Variants in PLEC observed in about 807,000 individuals in gnomAD.
PLEC encodes plectin.
In PLEC, 216 loss-of-function variants were observed where a neutral mutation model predicts 392.8. That is an observed-to-expected ratio of 0.55 (90% confidence interval 0.49 to 0.62). The LOEUF (loss-of-function observed/expected upper bound fraction) is 0.62. Ranked by LOEUF, PLEC falls within the 20% of genes least tolerant of loss-of-function variation. The probability of loss-of-function intolerance (pLI) is 0.00; values close to 1 mark genes in which losing one functional copy is unlikely to be tolerated. For missense variants in PLEC, 6,863 were observed against 6,563.4 expected (o/e 1.05, Z -1.58); for synonymous variants, 3,621 against 2,980.6 (o/e 1.21, Z -7.00).
At position 143,949,380 on chromosome 8, in the gene PLEC, C is replaced by T. The variant is rs542178804; in HGVS notation, c.523+804G>A. ...TGCTCCACAGTGTGTGTGTGAGCCT[C>T]GGGCTGCAGGGGACACATCTGCCCA... On this transcript the variant is annotated intron_variant, in intron 1 of 31. Coordinates refer to the PLEC transcript ENST00000322810. Among the ~76,000 whole-genome samples the T allele has an allele frequency of 2.0e-5, 3 of 152,320 alleles. No homozygotes were observed. The South Asian group carries it at 6.2e-4, about 32-fold the overall frequency.
rs199796047 is a variant in PLEC at position 143,927,002 on chromosome 8, G to C, written c.3920C>G (p.Ser1307Trp). The change falls in exon 29 of 32, where the codon TCG becomes TGG. Residue 1307 changes from serine to tryptophan, a missense_variant. Physicochemically the swap from Ser to Trp is radical, Grantham distance 177 (BLOSUM62 -3). Coordinates refer to ENST00000345136, the MANE Select transcript of PLEC (RefSeq NM_201384.3). ...CTCCTGGATGACACTCTCTGATCCC[G>C]ACTGGACCTTGGGCTTCTTGGCCGG... ...ASPAKKPKVQ[S>W]GSESVIQEYV... 2.5e-6 allele frequency: 4 copies of C among 1,612,946 alleles called. No individual in the cohort carries two copies. The highest frequency in any genetic ancestry group is 3.4e-6 in the Non-Finnish European group (4 of 1,179,932).
At chr8:143,965,461 C>G (rs1554741978) in intron 1 of PLEC, among the ~76,000 whole-genome samples, 1 of 152,232 alleles carries the variant, frequency 6.6e-6, no homozygotes, top group African/African-American at 2.4e-5. Context: ...GCCCATGCCC[C>G]ATTTTGGGTC....
rs1282537728 is a variant in PLEC, at chr8:143,969,125, A to C, written c.70+4278T>G. On this transcript the variant is annotated intron_variant, in intron 1 of 31. Coordinates refer to the PLEC transcript ENST00000356346. This position sits in a 1 kb window ranked among gnomAD's most constrained non-coding sequence, Gnocchi z 5.1. The stretch of plus-strand genomic sequence containing the variant: ...AACAACCCACTATCCGTCAACTGAT[A>C]AACGCATAAGCAAAAGTGGGCACTT... Among the ~76,000 whole-genome samples the C allele has an allele frequency of 2.0e-5, 3 of 152,208 alleles. No individual in the cohort carries two copies.
At position 143,922,050 on chromosome 8, in the gene PLEC, TCTC is replaced by T. The variant is rs782142905; in HGVS notation, c.7768_7770del (p.Glu2590del). ...TGCAGCTGCTCACGCAGCCTCTGGTTCTCCTCAGCCAGCAGCTCCTCCTGCTGC... is the reference window on the plus strand; with the variant it reads ...TGCAGCTGCTCACGCAGCCTCTGGTTCTCAGCCAGCAGCTCCTCCTGCTGC... On this transcript the variant is annotated inframe_deletion, in exon 32 of 32. Transcript: ENST00000345136. The T allele has an allele frequency of 5.6e-6, 9 of 1,593,852 alleles. No individual in the cohort carries two copies. In the East Asian group the frequency reaches 2.0e-4, roughly 36 times the overall value.
Position 143,933,131 on chromosome 8 carries a change from A to G in PLEC, c.1419-20T>C, listed in dbSNP as rs200347726. 2.8e-6 allele frequency: 4 copies of G among 1,429,086 alleles called. No homozygotes were observed. In the East Asian group the frequency reaches 1.0e-4, roughly 36 times the overall value. The allele number at this position is 1,429,086 out of a possible 1,614,324, so 88.5% of individuals were successfully genotyped here. On this transcript the variant is annotated intron_variant, in intron 13 of 31. Coordinates refer to ENST00000345136, the MANE Select transcript of PLEC (RefSeq NM_201384.3). ...TACACCCTGGGGCAGCAGAGGACTC[A>G]GGTAGGTGTTGGCGGGCCTGGGGCC...
intron 1 of PLEC, among the ~76,000 whole-genome samples, chr8:143,965,396 C>T (rs1185685367): frequency 1.0e-5 from 1 of 97,314 alleles, no homozygotes; most frequent in Admixed American, 9.5e-5. Context: ...ACCCTCCTTC[C>T]ACCGTCTGAA....
chr8:143,934,401 G>C lies in PLEC; in HGVS notation c.1086C>G (p.His362Gln), dbSNP rs1221901115. 2.5e-5 allele frequency: 41 copies of C among 1,612,240 alleles called. No homozygotes were observed. Among genetic ancestry groups the C allele is most frequent in the Non-Finnish European group, 3.1e-5 (36 of 1,179,922 alleles). The change falls in exon 11 of 32, where the codon CAC becomes CAG. Residue 362 changes from histidine to glutamine, a missense_variant. His to Gln is a conservative substitution (Grantham distance 24). Coordinates refer to ENST00000345136, the MANE Select transcript of PLEC (RefSeq NM_201384.3). ...CCCACTCCTTCTCCACATCCAGCGG[G>C]TGGTAGCCAGGGGGCACCTTGAGCT... ...AGQLKVPPGY[H>Q]PLDVEKEWGK...
rs1554687398 is a variant in PLEC, at chr8:143,921,858, C to T, written c.7963G>A (p.Ala2655Thr). The T allele has an allele frequency of 6.2e-7, 1 of 1,604,254 alleles. No homozygotes were observed. The highest frequency in any genetic ancestry group is 8.5e-7 in the Non-Finnish European group (1 of 1,179,756). Residue 2655 changes from alanine to threonine, a missense_variant, in exon 32 of 32, where the codon GCT becomes ACT. Transcript: ENST00000345136. Reference sequence around the variant, plus strand: ...ATGCCGGCCTCCTGCAGCCTCTGAGCTGACACCTTCCGCCGCAGGCCATCG... The same window carrying T: ...ATGCCGGCCTCCTGCAGCCTCTGAGTTGACACCTTCCGCCGCAGGCCATCG... ...SFDGLRRKVS[A>T]QRLQEAGILS... is the part of the protein sequence containing the mutation.
rs371257873 is a variant in PLEC, at chr8:143,939,338, G to C, written c.112+12C>G. 1.2e-5 allele frequency: 19 copies of C among 1,608,272 alleles called. No homozygotes were observed. The highest frequency in any genetic ancestry group is 1.6e-5 in the Non-Finnish European group (19 of 1,177,950). ...CCTGCCTGGCGGGGGTGCCCGAGGG[G>C]AGCCCTGCTACCTTTCTTGCCCTCA... is the stretch of plus-strand genomic sequence containing the variant. On this transcript the variant is annotated intron_variant, in intron 1 of 31. Transcript: ENST00000345136.
At chr8:143,973,630 C>T (rs1833551927), upstream of PLEC, 1 of 726,336 alleles carries the variant, frequency 1.4e-6, no homozygotes, top group Non-Finnish European at 1.7e-6. This position sits in a 1 kb window ranked among gnomAD's most constrained non-coding sequence, Gnocchi z 5.6. Flanking sequence ...GGGCCGGGGC[C>T]GCCGCGGCCG....
intron 1 of PLEC, among the ~76,000 whole-genome samples, chr8:143,961,353 G>A (rs1447730950): frequency 2.6e-5 from 4 of 152,024 alleles, no homozygotes; most frequent in Non-Finnish European, 4.4e-5. Context: ...AGCCTCCTGC[G>A]TAGCGGGGAT....
intron 1 of PLEC, among the ~76,000 whole-genome samples, chr8:143,966,081 G>A (rs1482669251): frequency 6.6e-6 from 1 of 152,146 alleles, no homozygotes; most frequent in East Asian, 1.9e-4. Context: ...CCAATCCGAC[G>A]ACACCCCAAG....
Position 143,937,038 on chromosome 8 carries a change from C to T in PLEC, c.376G>A (p.Ala126Thr), listed in dbSNP as rs782389278. The stretch of plus-strand genomic sequence containing the variant: ...AGGGTCAGCTTGGGGTTGCCGTCAG[C>T]GATGTCATCATTCCTGATGTTCACC... ...KLVNIRNDDI[A>T]DGNPKLTLGL... The change falls in exon 5 of 32, where the codon GCT becomes ACT. Residue 126 changes from alanine to threonine, a missense_variant. Ala to Thr is a moderately conservative substitution (Grantham distance 58). Transcript: ENST00000345136. 4 of 1,612,926 alleles carry T rather than the reference C, an allele frequency of 2.5e-6. No individual in the cohort carries two copies. In the East Asian group the frequency reaches 6.7e-5, roughly 27 times the overall value.
At position 143,920,113 on chromosome 8, in the gene PLEC, C is replaced by G. The variant is rs782753536; in HGVS notation, c.9708G>C (p.Lys3236Asn). 1.5e-5 allele frequency: 25 copies of G among 1,613,086 alleles called. No individual in the cohort carries two copies. The highest frequency in any genetic ancestry group is 1.6e-4 in the Middle Eastern group (1 of 6,062). Reference sequence around the variant, plus strand: ...CACCCACGGGGACCTCAACCGGGGTCTTTTCAAAGGTCTCACGGGCCTGCA... The same window carrying G: ...CACCCACGGGGACCTCAACCGGGGTGTTTTCAAAGGTCTCACGGGCCTGCA... ...SELQARETFE[K>N]TPVEVPVGGF... The change falls in exon 32 of 32, where the codon AAG (lysine) becomes AAC (asparagine). Residue 3236 changes from lysine to asparagine, a missense_variant. Transcript: ENST00000345136.
intron 12 of PLEC, among the ~76,000 whole-genome samples, 184 bp from the exon 13 acceptor site, chr8:143,933,535 G>A (rs567505223): frequency 2.4e-4 from 37 of 152,206 alleles, no homozygotes; most frequent in Middle Eastern, 3.4e-3. Flanking sequence ...TGGGGGATTG[G>A]GACCAAGTCC....
At chr8:143,950,268 C>T (rs1554735070) in exon 1 of PLEC, 2 of 1,571,180 alleles carry the variant, frequency 1.3e-6, no homozygotes, top group Non-Finnish European at 1.7e-6. Context: ...GGTGACACCT[C>T]CTCAAGCTCC....
intron 1 of PLEC, among the ~76,000 whole-genome samples, chr8:143,963,067 C>G (rs1348492751): frequency 6.6e-6 from 1 of 152,182 alleles, no homozygotes; most frequent in Non-Finnish European, 1.5e-5. Context: ...CAAGATTATC[C>G]AGGGAGGATC....
Position 143,930,000 on chromosome 8 carries a change from CTCT to C in PLEC, c.2672_2674del (p.Lys891del), listed in dbSNP as rs782445398. ...GCGAAGGCTCTGCCAGGCCAGAAGG[CTCT>C]TCATGTCCACGTGCAACTGGTGCCA... On this transcript the variant is annotated inframe_deletion, in exon 22 of 32. Coordinates refer to ENST00000345136, the MANE Select transcript of PLEC (RefSeq NM_201384.3). 1.2e-6 allele frequency: 2 copies of C among 1,612,194 alleles called. No homozygotes were observed. Among genetic ancestry groups the C allele is most frequent in the South Asian group, 2.2e-5 (2 of 91,046 alleles).
chr8:143,932,537 A>T lies in PLEC; in HGVS notation c.1840T>A (p.Ser614Thr). Residue 614 changes from serine to threonine, a missense_variant, in exon 16 of 32, where the codon TCC (serine) becomes ACC (threonine). Ser to Thr is a moderately conservative substitution (Grantham distance 58). Transcript: ENST00000345136. ...LLNSSKARLR[S>T]LESLHSFVAA... ...ACAAAGCTGTGCAAGCTCTCCAGGG[A>T]CCTGAGGCGGGCCTTGGAGGAGTTC... 2 of 1,612,406 alleles carry T rather than the reference A, an allele frequency of 1.2e-6. No individual in the cohort carries two copies. The highest frequency in any genetic ancestry group is 1.7e-6 in the Non-Finnish European group (2 of 1,179,908).
Sources: allele counts gnomAD v4.1 joint callset (sites outside exome capture counted in the v4.1 genomes callset), GRCh38; gene constraint gnomAD v4.1.1; non-coding constraint Gnocchi (gnomAD v3.1); transcripts MANE v1.5; gene names NCBI Gene and HGNC (gene_info 2026-07-23, HGNC 2026-07-21).